The following TMEM117 variants were observed in gnomAD, a reference collection of about 807,000 sequenced individuals.
TMEM117 encodes the protein transmembrane protein 117.
A neutral mutation model predicts 52.4 loss-of-function variants in TMEM117; 27 were observed. The ratio of observed to expected loss-of-function variants is 0.51; its 90% CI spans 0.38 to 0.71. TMEM117 has a LOEUF of 0.71. Ranked by LOEUF, TMEM117 falls within the 30% of genes least tolerant of loss-of-function variation. The pLI is 0.00. For missense variants in TMEM117, 556 were observed against 630.5 expected (o/e 0.88, Z 1.26); for synonymous variants, 215 against 206.3 (o/e 1.04, Z -0.36).
chr12:44,244,825 G>C (rs1025291604), intron 5 of TMEM117, among the ~76,000 whole-genome samples: 1 of 151,868 alleles, frequency 6.6e-6, no homozygotes, highest in African/African-American at 2.4e-5. Flanking sequence ...TATAGTTTCA[G>C]GTCTTAGGTT....
intron 3 of TMEM117, among the ~76,000 whole-genome samples, chr12:43,972,783 C>T (rs1490409971): frequency 2.6e-5 from 4 of 152,124 alleles, no homozygotes; most frequent in African/African-American, 9.7e-5. Flanking sequence ...TTTTACAAAC[C>T]TCTAGCTAGG....
chr12:44,209,447 G>A (rs370911331), intron 4 of TMEM117, among the ~76,000 whole-genome samples: 8 of 152,160 alleles, frequency 5.3e-5, no homozygotes, highest in Middle Eastern at 3.4e-3. Flanking sequence ...AAAAATCATC[G>A]ATGAACTAGT....
chr12:43,842,741 C>T (rs996862376), intron 1 of TMEM117, among the ~76,000 whole-genome samples: 1 of 151,162 alleles, frequency 6.6e-6, no homozygotes, highest in Non-Finnish European at 1.5e-5. Flanking sequence ...CACACACACA[C>T]GTGCACGCAC....
At chr12:44,044,577 G>T (rs1946851522) in intron 3 of TMEM117, among the ~76,000 whole-genome samples, 1 of 152,172 alleles carries the variant, frequency 6.6e-6, no homozygotes, top group Non-Finnish European at 1.5e-5. Flanking sequence ...AATGCCCATG[G>T]TCTCCACTCC....
chr12:43,962,735 G>A (rs1221848290), intron 3 of TMEM117, among the ~76,000 whole-genome samples: 1 of 151,962 alleles, frequency 6.6e-6, no homozygotes, highest in Non-Finnish European at 1.5e-5. Context: ...CCTGGCTAAC[G>A]TGAAGAAACC....
At chr12:43,823,054 T>C in the TMEM117 span, among the ~76,000 whole-genome samples, 1 of 152,218 alleles carries the variant, frequency 6.6e-6, no homozygotes, top group African/African-American at 2.4e-5. Context: ...GAGGGTATGA[T>C]GATACTTTTC....
chr12:44,181,319 T>C (rs1410624353), intron 4 of TMEM117, among the ~76,000 whole-genome samples: 1 of 152,116 alleles, frequency 6.6e-6, no homozygotes, highest in Non-Finnish European at 1.5e-5. Flanking sequence ...TTCACTCTGA[T>C]GGTAGTTTCT....
intron 2 of TMEM117, among the ~76,000 whole-genome samples, chr12:43,872,711 A>G (rs1446182902): frequency 6.6e-6 from 1 of 152,184 alleles, no homozygotes; most frequent in East Asian, 1.9e-4. Flanking sequence ...AGTTAAGATA[A>G]TAGTGTGCTT....
intron 2 of TMEM117, among the ~76,000 whole-genome samples, chr12:43,929,727 G>A (rs937024102): frequency 5.9e-5 from 9 of 151,962 alleles, no homozygotes; most frequent in African/African-American, 2.2e-4. Context: ...TATATAAATG[G>A]AATAATATAT....
At chr12:44,117,344 G>GT (rs148021933) in intron 3 of TMEM117, among the ~76,000 whole-genome samples, 11,837 of 151,106 alleles carry the variant, frequency 0.078, 1,381 homozygotes, top group African/African-American at 0.26. Flanking sequence ...ATAGCATACT[G>GT]TTTTTTTTTC....
In TMEM117 at chr12:44,054,906, G is replaced by A. The variant is rs550055156; in HGVS notation, c.411-88619G>A. On this transcript the variant is annotated intron_variant, in intron 3 of 7. Coordinates refer to ENST00000266534, the MANE Select transcript of TMEM117 (RefSeq NM_032256.3). Reference sequence around the variant, plus strand: ...TCCCTCCCCACCTTCCCCACCCCACGACAGGCCCCGGTGTATAGACTGGTC... The same window carrying A: ...TCCCTCCCCACCTTCCCCACCCCACAACAGGCCCCGGTGTATAGACTGGTC... Among the ~76,000 whole-genome samples, 126 of 151,640 alleles carry A rather than the reference G, an allele frequency of 8.3e-4. 1 individual carries two copies. The highest frequency in any genetic ancestry group is 2.9e-3 in the African/African-American group (119 of 41,314).
chr12:43,795,886 T>C, the TMEM117 span: 10 of 789,520 alleles, frequency 1.3e-5, no homozygotes, highest in East Asian at 2.4e-4. Context: ...ATGTAAACAG[T>C]TTCACTTTCT....
At chr12:44,242,680 C>T (rs867308778) in intron 5 of TMEM117, among the ~76,000 whole-genome samples, 73 of 127,504 alleles carry the variant, frequency 5.7e-4, no homozygotes, top group African/African-American at 1.9e-3. Flanking sequence ...TATAGATATC[C>T]ATACATATTA....
intron 6 of TMEM117, among the ~76,000 whole-genome samples, chr12:44,359,219 A>C (rs757531034): frequency 2.6e-5 from 4 of 151,944 alleles, no homozygotes; most frequent in African/African-American, 4.8e-5. Context: ...AAAAAAAAAA[A>C]GTAAAAGAAT....
intron 3 of TMEM117, among the ~76,000 whole-genome samples, chr12:43,989,176 A>G (rs1319224150): frequency 6.6e-6 from 1 of 152,128 alleles, no homozygotes; most frequent in African/African-American, 2.4e-5. Context: ...GGTCCTGATG[A>G]AATATTTAAA....
chr12:44,396,352 A>G, the TMEM117 span, among the ~76,000 whole-genome samples: 8 of 152,020 alleles, frequency 5.3e-5, no homozygotes, highest in African/African-American at 1.7e-4. Context: ...GTGTTCCTAT[A>G]TGACCTACCT....
intron 6 of TMEM117, among the ~76,000 whole-genome samples, chr12:44,343,029 G>C (rs374202777): frequency 1.3e-5 from 2 of 151,750 alleles, no homozygotes; most frequent in African/African-American, 4.8e-5. Context: ...GGGTTTACAG[G>C]TGCCCACCAC....
At chr12:44,119,493 G>C (rs953288697) in intron 3 of TMEM117, among the ~76,000 whole-genome samples, 1 of 152,190 alleles carries the variant, frequency 6.6e-6, no homozygotes, top group African/African-American at 2.4e-5. Context: ...CCCCAGCTTT[G>C]ATCATTCCTA....
the TMEM117 span, among the ~76,000 whole-genome samples, chr12:43,811,394 A>G: frequency 6.6e-6 from 1 of 152,224 alleles, no homozygotes; most frequent in African/African-American, 2.4e-5. Context: ...AAAGAAAGAC[A>G]AAAAGGAATC....
Sources: gnomAD v4.1 joint callset for allele counts (sites outside exome capture counted in the v4.1 genomes callset) on GRCh38, gnomAD v4.1.1 for gene constraint, MANE v1.5 for transcripts, NCBI Gene and HGNC (gene_info 2026-07-23, HGNC 2026-07-21) for gene names.